The following SLC7A11 variants were observed in gnomAD, a reference collection of about 807,000 sequenced individuals.
SLC7A11 encodes solute carrier family 7 member 11.
SLC7A11 carries 35 observed loss-of-function variants against 54.5 expected under a neutral mutation model. That is an observed-to-expected ratio of 0.64 (90% CI 0.49 to 0.85). SLC7A11 has a LOEUF of 0.85. Among genes scored for constraint, SLC7A11 ranks in the 40% least tolerant of loss-of-function variants. SLC7A11 has a pLI of 0.00. For synonymous variants in SLC7A11, 230 were observed against 225.2 expected, an observed-to-expected ratio of 1.02 and a Z score of -0.19; for missense variants, 583 against 618.1, an observed-to-expected ratio of 0.94 and a Z score of 0.60.
intron 1 of SLC7A11, among the ~76,000 whole-genome samples, chr4:138,238,035 G>A (rs1286143777): frequency 1.3e-5 from 2 of 151,880 alleles, no homozygotes; most frequent in Non-Finnish European, 2.9e-5. Flanking sequence ...TTACAGGCGT[G>A]AGCCACTGCG....
intron 5 of SLC7A11, among the ~76,000 whole-genome samples, chr4:138,215,417 A>T (rs1364041990): frequency 6.6e-6 from 1 of 152,140 alleles, no homozygotes; most frequent in Non-Finnish European, 1.5e-5. Context: ...TCACCAGCTA[A>T]AACAAAGATG....
chr4:138,229,599 C>A (rs1738025434), intron 3 of SLC7A11, among the ~76,000 whole-genome samples: 1 of 152,226 alleles, frequency 6.6e-6, no homozygotes, highest in African/African-American at 2.4e-5. Context: ...ATGTCTACTA[C>A]AGAGGTTTTG....
chr4:138,173,024 G>C (rs555215376), intron 11 of SLC7A11, among the ~76,000 whole-genome samples: 1 of 151,750 alleles, frequency 6.6e-6, no homozygotes, highest in Non-Finnish European at 1.5e-5. Flanking sequence ...TGTATTTTTA[G>C]TAGAGACGGG....
chr4:138,236,688 C>A (rs1369705875), intron 1 of SLC7A11, among the ~76,000 whole-genome samples: 4 of 152,054 alleles, frequency 2.6e-5, no homozygotes, highest in Non-Finnish European at 5.9e-5. Context: ...TATAATTTTA[C>A]TTGAAATGAC....
At position 138,170,230 on chromosome 4, in the gene SLC7A11, A is replaced by ATATATATATATATATAT. The variant is rs1266957020; in HGVS notation, c.*1725_*1726insATATATATATATATATA. 9.3e-4 allele frequency: 91 copies of ATATATATATATATATAT among 98,254 alleles called. No individual in the cohort carries two copies. Among genetic ancestry groups the ATATATATATATATATAT allele is most frequent in the Non-Finnish European group, 1.5e-3 (76 of 49,762 alleles). The allele number at this position is 98,254 out of a possible 1,614,324, so 6.1% of individuals were successfully genotyped here. On this transcript the variant is annotated 3_prime_UTR_variant, in exon 12 of 12. Transcript: ENST00000280612. The stretch of plus-strand genomic sequence containing the variant: ...CTATATATATATATATATATATATA[A>ATATATATATATATATAT]AAAGTGTGTGTGTGTGTGTGTATAT...
In SLC7A11 at chr4:138,170,684, C is replaced by A. The variant is rs1478165211; in HGVS notation, c.*1272G>T. ...AACACTTATCCACAGATTCTCATTT[C>A]AATTTTCTTCTTATCAGTTGTCTCT... On this transcript the variant is annotated 3_prime_UTR_variant, in exon 12 of 12. Transcript: ENST00000280612. The A allele has an allele frequency of 6.6e-6, 1 of 151,994 alleles. No homozygotes were observed. The highest frequency in any genetic ancestry group is 2.4e-5 in the African/African-American group (1 of 41,396). The allele number at this position is 151,994 out of a possible 1,614,324, so 9.4% of individuals were successfully genotyped here. A position where few individuals can be genotyped will look rare whatever the true frequency, so the allele number is the denominator to read the frequency against.
chr4:138,206,479 A>T lies in SLC7A11; in HGVS notation c.791+8106T>A, dbSNP rs1459808317. ...AAATTAGAACTTTCAAACAACTATT[A>T]TGAAAGAAAGTAAAGCATCGCCCTT... On this transcript the variant is annotated intron_variant, in intron 6 of 11. Transcript: ENST00000280612. Among the ~76,000 whole-genome samples, 10 of 151,654 alleles carry T rather than the reference A, an allele frequency of 6.6e-5. No individual in the cohort carries two copies. The East Asian group carries it at 1.9e-3, about 29-fold the overall frequency.
At chr4:138,192,235 C>T (rs1001291251) in intron 6 of SLC7A11, among the ~76,000 whole-genome samples, 10 of 152,100 alleles carry the variant, frequency 6.6e-5, no homozygotes, top group African/African-American at 2.4e-4. Context: ...ATTTCCCAGC[C>T]CCTCTTTTAT....
intron 6 of SLC7A11, among the ~76,000 whole-genome samples, chr4:138,200,869 T>C (rs1005988341): frequency 2.6e-5 from 4 of 152,146 alleles, no homozygotes; most frequent in Non-Finnish European, 5.9e-5. Flanking sequence ...TAGAGAACTC[T>C]TTGTACACAC....
chr4:138,200,936 C>T (rs975996663), intron 6 of SLC7A11, among the ~76,000 whole-genome samples: 2 of 151,998 alleles, frequency 1.3e-5, no homozygotes, highest in African/African-American at 4.8e-5. Context: ...ATAATAAATC[C>T]TTTGCTATCT....
At chr4:138,176,416 C>T (rs1736572570) in intron 11 of SLC7A11, 1 of 152,050 alleles carries the variant, frequency 6.6e-6, no homozygotes, top group South Asian at 2.1e-4. Context: ...ATTTGGAGGC[C>T]TTGGAAATGT....
chr4:138,184,051 A>T (rs1300166984), intron 7 of SLC7A11, among the ~76,000 whole-genome samples: 3 of 152,182 alleles, frequency 2.0e-5, no homozygotes. Flanking sequence ...TTTCCAAAAA[A>T]AGAAAATGTG....
At chr4:138,189,389 G>T (rs1736954827) in intron 6 of SLC7A11, among the ~76,000 whole-genome samples, 1 of 152,010 alleles carries the variant, frequency 6.6e-6, no homozygotes, top group Admixed American at 6.6e-5. Flanking sequence ...GAAAACCAAG[G>T]CTCAGAGAGG....
chr4:138,228,526 A>G (rs1737996023), intron 3 of SLC7A11, among the ~76,000 whole-genome samples: 1 of 152,074 alleles, frequency 6.6e-6, no homozygotes, highest in Middle Eastern at 3.2e-3. Flanking sequence ...TGCGAGGCCG[A>G]GGCGGGCGGC....
intron 6 of SLC7A11, among the ~76,000 whole-genome samples, chr4:138,212,935 C>A (rs1170560348): frequency 4.0e-5 from 6 of 151,896 alleles, no homozygotes; most frequent in Admixed American, 3.9e-4. Context: ...TGTCTTTAGA[C>A]TTAACATACA....
chr4:138,205,964 T>C (rs1737395218), intron 6 of SLC7A11, among the ~76,000 whole-genome samples: 2 of 152,020 alleles, frequency 1.3e-5, no homozygotes, highest in Admixed American at 1.3e-4. Flanking sequence ...TAACCAAAAA[T>C]TTATCTAGGC....
rs1738389702 is a variant in SLC7A11, at chr4:138,241,890, T to C, written c.180A>G (p.Ala60=). 1.2e-6 allele frequency: 2 copies of C among 1,613,996 alleles called. No homozygotes were observed. The highest frequency in any genetic ancestry group is 2.2e-5 in the South Asian group (2 of 91,084). The change falls in exon 1 of 12, where the codon GCA becomes GCG. Residue 60 remains alanine (A), a synonymous_variant. Coordinates refer to ENST00000280612, the MANE Select transcript of SLC7A11 (RefSeq NM_014331.4). The part of the protein sequence containing the change: ...VSIIIGTIIG[A]GIFISPKGVL... ...CGCCCTTAGGAGAGATGAAGATTCC[T>C]GCTCCAATGATGGTGCCAATGATAA...
At chr4:138,216,056 T>C (rs1037430437) in intron 5 of SLC7A11, among the ~76,000 whole-genome samples, 1 of 152,200 alleles carries the variant, frequency 6.6e-6, no homozygotes, top group Non-Finnish European at 1.5e-5. Context: ...ACACATCCTG[T>C]GGGAAATCCA....
At chr4:138,237,719 ATATATATATATATATATATTTTTTTTTT>A (rs1738252879) in intron 1 of SLC7A11, among the ~76,000 whole-genome samples, 1 of 7,538 alleles carries the variant, frequency 1.3e-4, no homozygotes, top group African/African-American at 4.0e-4. Context: ...ATATATATAT[ATATATATATATATATATATTTTTTTTTT>A]TTTTTTTTTT....
Sources: allele counts gnomAD v4.1 joint callset (sites outside exome capture counted in the v4.1 genomes callset), GRCh38; gene constraint gnomAD v4.1.1; transcripts MANE v1.5; gene names NCBI Gene and HGNC (gene_info 2026-07-23, HGNC 2026-07-21).